Variants in GRM3 observed in about 807,000 individuals in gnomAD.
The protein encoded by GRM3 is metabotropic glutamate receptor 3.
GRM3 carries 26 observed loss-of-function variants against 70.5 expected under a neutral mutation model. That is an observed-to-expected ratio of 0.37 (90% CI 0.27 to 0.51). The LOEUF is 0.51. Ranked by LOEUF, GRM3 falls within the 20% of genes least tolerant of loss-of-function variation. GRM3 has a pLI of 0.93. For synonymous variants in GRM3, 443 were observed against 434.9 expected (o/e 1.02, Z -0.23); for missense variants, 859 against 1,123.8 (o/e 0.76, Z 3.37).
At chr7:86,655,689 C>T (rs1793716955) in intron 1 of GRM3, among the ~76,000 whole-genome samples, 2 of 152,050 alleles carry the variant, frequency 1.3e-5, no homozygotes. Flanking sequence ...CCTTCTTTGT[C>T]ACTCTTACTA....
Position 86,786,408 on chromosome 7 carries a change from C to A in GRM3, c.616C>A (p.Arg206Ser). 1.2e-6 allele frequency: 2 copies of A among 1,614,164 alleles called. No homozygotes were observed. The highest frequency in any genetic ancestry group is 1.7e-6 in the Non-Finnish European group (2 of 1,180,018). ...YQAKAMAEIL[R>S]FFNWTYVSTV... Reference sequence around the variant, plus strand: ...GGCCAAAGCCATGGCTGAGATCTTGCGCTTCTTCAACTGGACCTACGTGTC... The same window carrying A: ...GGCCAAAGCCATGGCTGAGATCTTGAGCTTCTTCAACTGGACCTACGTGTC... Residue 206 changes from arginine to serine, a missense_variant, in exon 3 of 6, where the codon CGC becomes AGC. Arg to Ser is a moderately radical substitution (Grantham distance 110, BLOSUM62 -1). Transcript: ENST00000361669. This position sits in a 1 kb window ranked among gnomAD's most constrained non-coding sequence, Gnocchi z 6.0.
chr7:86,654,168 A>G (rs925320130), intron 1 of GRM3, among the ~76,000 whole-genome samples: 1 of 152,214 alleles, frequency 6.6e-6, no homozygotes. Context: ...CCGAACAGGA[A>G]GTGAGGGACT....
chr7:86,718,583 T>C (rs1000262041), intron 1 of GRM3, among the ~76,000 whole-genome samples: 2 of 151,988 alleles, frequency 1.3e-5, no homozygotes, highest in East Asian at 1.9e-4. Flanking sequence ...ATGACACTGA[T>C]GCTGAGCACA....
At chr7:86,722,544 T>C (rs370425138) in intron 1 of GRM3, among the ~76,000 whole-genome samples, 4 of 139,760 alleles carry the variant, frequency 2.9e-5, no homozygotes, top group Admixed American at 1.5e-4. Flanking sequence ...TAAGTGGGAG[T>C]TGAACAATGA....
rs752373180 is a variant in GRM3, at chr7:86,786,404, C to A, written c.612C>A (p.Ile204=). 6.2e-7 allele frequency: 1 copy of A among 1,614,210 alleles called. No individual in the cohort carries two copies. The change falls in exon 3 of 6, where the codon ATC becomes ATA. Residue 204 remains isoleucine (I), a synonymous_variant. Coordinates refer to ENST00000361669, the MANE Select transcript of GRM3 (RefSeq NM_000840.3). The surrounding 1 kb of genome is among the most constrained non-coding windows in gnomAD (Gnocchi z 6.0). ...DFYQAKAMAE[I]LRFFNWTYVS... ...ACCAGGCCAAAGCCATGGCTGAGAT[C>A]TTGCGCTTCTTCAACTGGACCTACG...
intron 1 of GRM3, among the ~76,000 whole-genome samples, chr7:86,756,216 T>C (rs1405850383): frequency 2.6e-5 from 4 of 152,102 alleles, no homozygotes; most frequent in African/African-American, 9.7e-5. Flanking sequence ...GTAGCTGGGA[T>C]TACAGGCACA....
Position 86,765,023 on chromosome 7 carries a change from C to T in GRM3, c.-123C>T. 1.3e-6 allele frequency: 2 copies of T among 1,482,782 alleles called. No individual in the cohort carries two copies. Among genetic ancestry groups the T allele is most frequent in the Admixed American group, 2.4e-5 (1 of 42,384 alleles). 91.9% of individuals were successfully genotyped at this position (1,482,782 alleles called of 1,614,324 possible). A position where few individuals can be genotyped will look rare whatever the true frequency, so the allele number is the denominator to read the frequency against. On this transcript the variant is annotated 5_prime_UTR_variant, in exon 2 of 6. Coordinates refer to ENST00000361669, the MANE Select transcript of GRM3 (RefSeq NM_000840.3). ...CTCTTTAGGAATTTTGTGACAGGCT[C>T]TGTTAGTCTGTTCCTCCCTTATTTG...
chr7:86,744,586 A>C (rs1413614430), intron 1 of GRM3, among the ~76,000 whole-genome samples: 1 of 151,914 alleles, frequency 6.6e-6, no homozygotes, highest in Non-Finnish European at 1.5e-5. Flanking sequence ...AGGGACGCTT[A>C]AAACCTTTTG....
chr7:86,777,300 C>T (rs2237559), intron 2 of GRM3, among the ~76,000 whole-genome samples: 11,679 of 152,104 alleles, frequency 0.077, 748 homozygotes, highest in African/African-American at 0.18. Context: ...TGTGACAATC[C>T]TGGTTACAAA....
chr7:86,727,226 C>A (rs1795612848), intron 1 of GRM3, among the ~76,000 whole-genome samples: 1 of 152,090 alleles, frequency 6.6e-6, no homozygotes, highest in South Asian at 2.1e-4. Context: ...CCAAATATGA[C>A]CCTATCCCTC....
chr7:86,798,442 C>A (rs774981578), intron 3 of GRM3, among the ~76,000 whole-genome samples: 1 of 152,138 alleles, frequency 6.6e-6, no homozygotes, highest in African/African-American at 2.4e-5. Context: ...GATTTGACTG[C>A]CCTACTGGAT....
chr7:86,731,755 T>A (rs1795740054), intron 1 of GRM3, among the ~76,000 whole-genome samples: 1 of 152,200 alleles, frequency 6.6e-6, no homozygotes, highest in African/African-American at 2.4e-5. Flanking sequence ...CCAGGAATAA[T>A]TATTCAGCTG....
intron 3 of GRM3, among the ~76,000 whole-genome samples, chr7:86,822,317 A>T (rs1227444349): frequency 1.3e-5 from 2 of 152,152 alleles, no homozygotes. Context: ...ATAAGAAGAT[A>T]GTAATAATAA....
intron 1 of GRM3, among the ~76,000 whole-genome samples, chr7:86,748,186 T>A (rs1227485182): frequency 2.6e-5 from 4 of 152,080 alleles, no homozygotes; most frequent in African/African-American, 9.7e-5. Flanking sequence ...ATACACTTTA[T>A]GTTTCCTACA....
intron 1 of GRM3, among the ~76,000 whole-genome samples, chr7:86,702,811 A>G (rs1794972910): frequency 6.6e-6 from 1 of 151,962 alleles, no homozygotes; most frequent in Non-Finnish European, 1.5e-5. Flanking sequence ...TTTAGACCAG[A>G]AGGAAGAACA....
At chr7:86,832,581 T>C (rs1403912469) in intron 3 of GRM3, among the ~76,000 whole-genome samples, 1 of 152,124 alleles carries the variant, frequency 6.6e-6, no homozygotes, top group African/African-American at 2.4e-5. Context: ...TCTTTATCAG[T>C]GTTTATGAAT....
At chr7:86,833,280 A>T (rs866213331) in intron 3 of GRM3, 5 of 150,720 alleles carry the variant, frequency 3.3e-5, no homozygotes, top group African/African-American at 9.7e-5. Flanking sequence ...TAGCACTGGG[A>T]GATATACCTA....
At chr7:86,822,521 G>GA (rs1276260733) in intron 3 of GRM3, among the ~76,000 whole-genome samples, 1 of 151,872 alleles carries the variant, frequency 6.6e-6, no homozygotes, top group Non-Finnish European at 1.5e-5. Context: ...AGAACAAGAT[G>GA]AAAAAAAGCA....
chr7:86,738,671 T>C lies in GRM3; in HGVS notation c.-140-26335T>C, dbSNP rs1465105476. ...GAATCAATTCTCCTGATACAGTAGA[T>C]ACTGGGATGCAATGGAAGGGTTTTT... On this transcript the variant is annotated intron_variant, in intron 1 of 5. Coordinates refer to ENST00000361669, the MANE Select transcript of GRM3 (RefSeq NM_000840.3). 5.3e-5 allele frequency among the ~76,000 whole-genome samples: 8 copies of C among 152,136 alleles called. No individual in the cohort carries two copies. In the East Asian group the frequency reaches 9.6e-4, roughly 18 times the overall value.
Sources: allele counts gnomAD v4.1 joint callset (sites outside exome capture counted in the v4.1 genomes callset), GRCh38; gene constraint gnomAD v4.1.1; non-coding constraint Gnocchi (gnomAD v3.1); transcripts MANE v1.5; gene names NCBI Gene and HGNC (gene_info 2026-07-23, HGNC 2026-07-21).